Variants in TLN2 observed in about 807,000 individuals in gnomAD.
The protein encoded by TLN2 is talin 2.
A neutral mutation model predicts 294.7 loss-of-function variants in TLN2; 118 were observed. The observed-to-expected ratio is 0.40, with a 90% CI of 0.34 to 0.47. TLN2 has a LOEUF of 0.47. TLN2 is among the 20% of genes least tolerant of loss of function. The pLI is 0.84. For synonymous variants in TLN2, 1,431 were observed against 1,304.5 expected, an observed-to-expected ratio of 1.10 and a Z score of -2.09; for missense variants, 3,083 against 3,282.2, an observed-to-expected ratio of 0.94 and a Z score of 1.48.
chr15:62,675,248 T>C lies in TLN2; in HGVS notation c.884T>C (p.Ile295Thr). The C allele has an allele frequency of 6.2e-7, 1 of 1,614,262 alleles. No individual in the cohort carries two copies. Among genetic ancestry groups the C allele is most frequent in the South Asian group, 1.1e-5 (1 of 91,086 alleles). ...AAGAACTGCGGAGAGATGAGTGAGA[T>C]AGAAGCCAAGGTCAAGTACGTCAAA... ...EHKNCGEMSEIEAKVKYVKLA... is the reference protein window; with the variant it reads ...EHKNCGEMSETEAKVKYVKLA... Residue 295 changes from isoleucine (I) to threonine (T), a missense_variant, in exon 11 of 59, where the codon ATA becomes ACA. Physicochemically the swap from Ile to Thr is moderately conservative, Grantham distance 89. Coordinates refer to ENST00000636159, the MANE Select transcript of TLN2 (RefSeq NM_015059.3).
chr15:62,563,797 C>G (rs1444014826), intron 1 of TLN2, among the ~76,000 whole-genome samples: 2 of 152,168 alleles, frequency 1.3e-5, no homozygotes, highest in Admixed American at 6.5e-5. Flanking sequence ...CTCTGGGAAG[C>G]CTTCTGTGAT....
intron 10 of TLN2, among the ~76,000 whole-genome samples, chr15:62,674,305 C>A (rs1433956863): frequency 1.3e-5 from 2 of 152,152 alleles, no homozygotes; most frequent in Non-Finnish European, 2.9e-5. Context: ...CTTGTCCAGT[C>A]TACGCAACCA....
chr15:62,769,466 C>G (rs887598219), intron 41 of TLN2, among the ~76,000 whole-genome samples: 3 of 152,228 alleles, frequency 2.0e-5, no homozygotes, highest in Non-Finnish European at 4.4e-5. Context: ...CTTTAAAATT[C>G]ATTCAAAGGC....
intron 46 of TLN2, 120 bp downstream of exon 46, chr15:62,792,907 C>G (rs1490059601): frequency 6.9e-7 from 1 of 1,458,870 alleles, no homozygotes; most frequent in Admixed American, 2.4e-5. Context: ...TCAGCTGTCT[C>G]ATCCCGATCT....
intron 1 of TLN2, among the ~76,000 whole-genome samples, chr15:62,503,915 A>G (rs953620364): frequency 2.6e-5 from 4 of 152,266 alleles, no homozygotes; most frequent in African/African-American, 9.6e-5. Flanking sequence ...TGAACTGTAC[A>G]GTATCAAAGA....
At chr15:62,675,195 C>G in intron 10 of TLN2, 22 bp from the exon 11 acceptor site, 1 of 1,612,808 alleles carries the variant, frequency 6.2e-7, no homozygotes, top group Non-Finnish European at 8.5e-7. Flanking sequence ...ATAACTGGTC[C>G]CGACCACTGT....
At chr15:62,410,209 T>A (rs563155021) in intron 1 of TLN2, among the ~76,000 whole-genome samples, 67 of 151,172 alleles carry the variant, frequency 4.4e-4, no homozygotes, top group African/African-American at 1.6e-3. Context: ...GCCATTGCAC[T>A]CCACCTTGGG....
rs150747126 is a variant in TLN2 at position 62,781,456 on chromosome 15, G to T, written c.5616+215G>T. Among the ~76,000 whole-genome samples, 16 of 152,288 alleles carry T rather than the reference G, an allele frequency of 1.1e-4. No homozygotes were observed. The East Asian group carries it at 2.9e-3, about 28-fold the overall frequency. On this transcript the variant is annotated intron_variant, in intron 44 of 58. Transcript: ENST00000636159. ...GCAGTTCTTTTCTCATGAAAAAGCT[G>T]CAAGAGGGAATTAAAGATGGCTGAG...
chr15:62,584,146 G>A (rs551279283), intron 1 of TLN2, among the ~76,000 whole-genome samples: 4 of 152,178 alleles, frequency 2.6e-5, no homozygotes, highest in African/African-American at 7.2e-5. Context: ...AAAGTATTGC[G>A]TGGGACACTG....
At chr15:62,533,737 A>G (rs1393785799) in intron 1 of TLN2, among the ~76,000 whole-genome samples, 1 of 152,216 alleles carries the variant, frequency 6.6e-6, no homozygotes, top group Non-Finnish European at 1.5e-5. Context: ...TGCTAGGACC[A>G]GGGCTGTAGG....
chr15:62,748,558 C>A, intron 33 of TLN2, 114 bp downstream of exon 33: 1 of 863,670 alleles, frequency 1.2e-6, no homozygotes, highest in Non-Finnish European at 1.9e-6. Context: ...GGCTAGTTTT[C>A]TCTTCTCTGT....
At chr15:62,669,784 G>C (rs1321778929) in intron 9 of TLN2, among the ~76,000 whole-genome samples, 2 of 152,188 alleles carry the variant, frequency 1.3e-5, no homozygotes, top group East Asian at 3.9e-4. Context: ...GGCAGGCCTT[G>C]ATGACACCCT....
chr15:62,474,624 G>C (rs1276178354), intron 1 of TLN2, among the ~76,000 whole-genome samples: 1 of 152,190 alleles, frequency 6.6e-6, no homozygotes, highest in African/African-American at 2.4e-5. Flanking sequence ...CAGGACGGGA[G>C]AGTGAGACCC....
At chr15:62,422,539 A>G (rs963953364) in intron 1 of TLN2, among the ~76,000 whole-genome samples, 5 of 152,198 alleles carry the variant, frequency 3.3e-5, no homozygotes, top group Admixed American at 2.0e-4. Context: ...GCCATTTACT[A>G]TGCAGCTTTT....
chr15:62,398,895 A>G (rs991113461), intron 1 of TLN2, among the ~76,000 whole-genome samples: 1 of 152,196 alleles, frequency 6.6e-6, no homozygotes, highest in Admixed American at 6.5e-5. Flanking sequence ...AGAAATTTGC[A>G]TAAGTAACCA....
intron 3 of TLN2, among the ~76,000 whole-genome samples, chr15:62,623,086 T>A (rs2048974806): frequency 6.6e-6 from 1 of 152,226 alleles, no homozygotes; most frequent in Non-Finnish European, 1.5e-5. Context: ...TTACTTTGCT[T>A]AATATCCATA....
intron 1 of TLN2, among the ~76,000 whole-genome samples, chr15:62,477,541 A>G (rs553867789): frequency 2.1e-4 from 32 of 152,224 alleles, no homozygotes; most frequent in Admixed American, 6.5e-4. Context: ...TAAGGTTATC[A>G]TAGGTTGTAG....
chr15:62,431,619 G>GA (rs1367112915), intron 1 of TLN2, among the ~76,000 whole-genome samples: 2 of 152,200 alleles, frequency 1.3e-5, no homozygotes, highest in East Asian at 3.8e-4. Context: ...TGGCTTGTTT[G>GA]ATTTGGTAGT....
At position 62,720,869 on chromosome 15, in the gene TLN2, T is replaced by A. The variant is rs533183179; in HGVS notation, c.2991+989T>A. Reference sequence around the variant, plus strand: ...ATGAATAACGTGATAAAAATCTTTATGTGCTCAAGTCTTTTCTTGAATTCC... The same window carrying A: ...ATGAATAACGTGATAAAAATCTTTAAGTGCTCAAGTCTTTTCTTGAATTCC... On this transcript the variant is annotated intron_variant, in intron 25 of 58. Coordinates refer to ENST00000636159, the MANE Select transcript of TLN2 (RefSeq NM_015059.3). 2.1e-4 allele frequency among the ~76,000 whole-genome samples: 32 copies of A among 152,350 alleles called. 1 individual carries two copies. The highest frequency in any genetic ancestry group is 1.5e-5 in the Non-Finnish European group (1 of 68,028).
Sources: allele counts gnomAD v4.1 joint callset (sites outside exome capture counted in the v4.1 genomes callset), GRCh38; gene constraint gnomAD v4.1.1; transcripts MANE v1.5; gene names NCBI Gene and HGNC (gene_info 2026-07-23, HGNC 2026-07-21).